Variants in THNSL1 observed in about 807,000 individuals in gnomAD.
THNSL1 encodes the protein threonine synthase like 1.
In THNSL1, 48 loss-of-function variants were observed where a neutral mutation model predicts 50.4. The observed-to-expected ratio is 0.95, with a 90% CI of 0.76 to 1.21. THNSL1 has a LOEUF of 1.21. Ranked by LOEUF, THNSL1 falls within the 50% of genes most tolerant of loss-of-function variation. THNSL1 has a pLI of 0.00. For synonymous variants in THNSL1, 309 were observed against 306.1 expected (o/e 1.01, Z -0.10); for missense variants, 896 against 871.7 (o/e 1.03, Z -0.35).
chr10:24,997,282 C>T, the THNSL1 span, among the ~76,000 whole-genome samples: 1 of 151,894 alleles, frequency 6.6e-6, no homozygotes, highest in Non-Finnish European at 1.5e-5. Flanking sequence ...AACTAATCCT[C>T]TGACATCTTG....
At chr10:24,956,407 G>GT in the THNSL1 span, among the ~76,000 whole-genome samples, 2 of 148,360 alleles carry the variant, frequency 1.3e-5, no homozygotes, top group Non-Finnish European at 3.0e-5. Context: ...CAATATACTT[G>GT]TATTTTTCTA....
the THNSL1 span, among the ~76,000 whole-genome samples, chr10:24,955,998 C>G: frequency 6.6e-6 from 1 of 151,854 alleles, no homozygotes; most frequent in Non-Finnish European, 1.5e-5. Context: ...GGTGACCAAT[C>G]AGGGATAGTT....
chr10:24,970,247 A>G, the THNSL1 span, among the ~76,000 whole-genome samples: 1 of 152,216 alleles, frequency 6.6e-6, no homozygotes, highest in Non-Finnish European at 1.5e-5. Context: ...TTTTTTCCCC[A>G]TTAAATGGAA....
the THNSL1 span, among the ~76,000 whole-genome samples, chr10:24,957,626 G>A: frequency 1.3e-5 from 2 of 152,024 alleles, no homozygotes; most frequent in Non-Finnish European, 2.9e-5. Flanking sequence ...GATTACAGGC[G>A]CCCACCACCA....
At chr10:25,002,366 A>ATTC in the THNSL1 span, among the ~76,000 whole-genome samples, 2 of 152,176 alleles carry the variant, frequency 1.3e-5, no homozygotes, top group Non-Finnish European at 2.9e-5. Context: ...TGTGCTGTGA[A>ATTC]TTCTAGCAGC....
upstream of THNSL1, among the ~76,000 whole-genome samples, chr10:25,015,154 C>G (rs554929018): frequency 3.3e-5 from 5 of 152,236 alleles, no homozygotes; most frequent in East Asian, 9.7e-4. Flanking sequence ...CTAAGAAGTC[C>G]CTACAGATGG....
At chr10:25,017,046 C>T (rs920058470) in intron 1 of THNSL1, among the ~76,000 whole-genome samples, 48 of 152,114 alleles carry the variant, frequency 3.2e-4, no homozygotes, top group African/African-American at 1.1e-3. Context: ...CCGGGACCGC[C>T]CCTTGGGCGG....
chr10:24,999,475 C>G, the THNSL1 span: 2 of 1,613,086 alleles, frequency 1.2e-6, no homozygotes, highest in Non-Finnish European at 1.7e-6. Flanking sequence ...TTTTGCTGGT[C>G]CCATAGTTTT....
At chr10:24,976,225 T>C in the THNSL1 span, among the ~76,000 whole-genome samples, 5 of 152,120 alleles carry the variant, frequency 3.3e-5, no homozygotes, top group South Asian at 6.2e-4. Context: ...AACTGCATAG[T>C]GGAGATTTTA....
At chr10:24,982,305 C>T in the THNSL1 span, 1 of 152,090 alleles carries the variant, frequency 6.6e-6, no homozygotes, top group African/African-American at 2.4e-5. Flanking sequence ...GTGGAGGGAA[C>T]CATGTGTGCA....
chr10:24,988,028 C>G, the THNSL1 span, among the ~76,000 whole-genome samples: 1 of 151,840 alleles, frequency 6.6e-6, no homozygotes, highest in African/African-American at 2.4e-5. Flanking sequence ...TAAGACCAGC[C>G]TGGGCAACAC....
At chr10:25,019,568 T>C (rs1355263440) in intron 1 of THNSL1, among the ~76,000 whole-genome samples, 2 of 152,238 alleles carry the variant, frequency 1.3e-5, no homozygotes, top group Non-Finnish European at 2.9e-5. Context: ...GCATTTGCAT[T>C]GTATTATGTA....
rs140656866 is a variant in THNSL1, at chr10:25,024,190, G to T, written c.967G>T (p.Ala323Ser). ...TGAAACTGCTTATGGGGAAAACTTT[G>T]CCTGCTCAAAAATTGCTCCTGTCAG... The part of the protein sequence containing the change: ...MIETAYGENF[A>S]CSKIAPVRHL... Residue 323 changes from alanine to serine, a missense_variant, in exon 3 of 3, where the codon GCC (alanine) becomes TCC (serine). Coordinates refer to ENST00000376356, the MANE Select transcript of THNSL1 (RefSeq NM_024838.5). 1 of 1,614,192 alleles carries T rather than the reference G, an allele frequency of 6.2e-7. No individual in the cohort carries two copies. The highest frequency in any genetic ancestry group is 1.1e-5 in the South Asian group (1 of 91,082).
the THNSL1 span, among the ~76,000 whole-genome samples, chr10:24,994,640 T>G: frequency 6.6e-6 from 1 of 152,118 alleles, no homozygotes; most frequent in South Asian, 2.1e-4. Context: ...GCATTCATAT[T>G]TTGTGTGTTT....
At chr10:25,016,981 C>T (rs1183767308) in intron 1 of THNSL1, among the ~76,000 whole-genome samples, 10 of 152,280 alleles carry the variant, frequency 6.6e-5, no homozygotes, top group African/African-American at 2.2e-4. Context: ...TGTGAGTGCG[C>T]GCACGGGGCC....
chr10:25,015,476 C>T (rs1303547138), upstream of THNSL1, among the ~76,000 whole-genome samples: 2 of 152,048 alleles, frequency 1.3e-5, no homozygotes, highest in Non-Finnish European at 2.9e-5. Context: ...AATACAACAC[C>T]GAACTCCTGA....
intron 2 of THNSL1, 124 bp from the exon 3 acceptor site, chr10:25,023,052 T>C (rs1157313496): frequency 2.6e-5 from 15 of 568,546 alleles, no homozygotes. Context: ...GTTTGGAAGA[T>C]TTTTAAACAG....
chr10:25,020,750 A>G (rs938613166), intron 1 of THNSL1, among the ~76,000 whole-genome samples: 1 of 152,080 alleles, frequency 6.6e-6, no homozygotes, highest in African/African-American at 2.4e-5. Context: ...CAAAAAAAAA[A>G]AAAAAATTAC....
chr10:24,999,585 T>C, the THNSL1 span: 8 of 1,499,096 alleles, frequency 5.3e-6, no homozygotes, highest in Non-Finnish European at 6.4e-6. Context: ...TTTATACTTC[T>C]AGTAAAAATT....
Sources: gnomAD v4.1 joint callset for allele counts (sites outside exome capture counted in the v4.1 genomes callset) on GRCh38, gnomAD v4.1.1 for gene constraint, MANE v1.5 for transcripts, NCBI Gene and HGNC (gene_info 2026-07-23, HGNC 2026-07-21) for gene names.